Variants in FRMD4B observed in about 807,000 individuals in gnomAD.
The protein encoded by FRMD4B is FERM domain-containing protein 4B.
Under a neutral mutation model 141.5 loss-of-function variants are expected in FRMD4B, and 74 were observed. The observed-to-expected ratio is 0.52, with a 90% CI of 0.43 to 0.63. The LOEUF (loss-of-function observed/expected upper bound fraction) is 0.63, where lower values mean the gene tolerates loss of function less well. Among genes scored for constraint, FRMD4B ranks in the 30% least tolerant of loss-of-function variants. The probability of loss-of-function intolerance (pLI) is 0.00; values close to 1 mark genes in which losing one functional copy is unlikely to be tolerated. For missense variants in FRMD4B, 1,366 were observed against 1,253.4 expected, an observed-to-expected ratio of 1.09 and a Z score of -1.36; for synonymous variants, 506 against 467.9, an observed-to-expected ratio of 1.08 and a Z score of -1.05.
chr3:69,427,643 G>GTTT lies in FRMD4B; in HGVS notation c.-1+4988_-1+4990dup, dbSNP rs774316609. ...GTGTTTAGTAAGAAGCTAGGTAAATGTTTTTTTTTTTTTTTTTTTTTTTTT... is the reference window on the plus strand; with the variant it reads ...GTGTTTAGTAAGAAGCTAGGTAAATGTTTTTTTTTTTTTTTTTTTTTTTTTTTT... On this transcript the variant is annotated intron_variant, in intron 2 of 5. Coordinates refer to the FRMD4B transcript ENST00000459638. Among the ~76,000 whole-genome samples the GTTT allele has an allele frequency of 8.2e-3, 296 of 36,232 alleles. 72 individuals carry two copies. The highest frequency in any genetic ancestry group is 0.027 in the African/African-American group (256 of 9,378). The allele number at this position is 36,232 out of a possible 152,430, so 23.8% of individuals were successfully genotyped here.
chr3:69,516,169 G>C (rs931413761), intron 1 of FRMD4B, among the ~76,000 whole-genome samples: 2 of 152,092 alleles, frequency 1.3e-5, no homozygotes, highest in Non-Finnish European at 2.9e-5. Context: ...AGGCTGTGGT[G>C]AGCAATGATG....
At chr3:69,198,417 C>G (rs1448175878) in intron 12 of FRMD4B, 5 of 382,446 alleles carry the variant, frequency 1.3e-5, no homozygotes, top group African/African-American at 2.0e-5. Flanking sequence ...ACTATACATG[C>G]ACACAAAACT....
intron 5 of FRMD4B, among the ~76,000 whole-genome samples, chr3:69,267,634 TATAGAGAGAGAGAGAGAG>T (rs1559765505): frequency 2.5e-3 from 26 of 10,252 alleles, no homozygotes; most frequent in African/African-American, 6.6e-3. Context: ...TATATATATA[TATAGAGAGAGAGAGAGAG>T]AGAGAGAGAG....
chr3:69,520,023 T>TATATTCCATCATATATATATATTCCATCC (rs1700826787), intron 1 of FRMD4B, among the ~76,000 whole-genome samples: 1 of 115,726 alleles, frequency 8.6e-6, no homozygotes, highest in Non-Finnish European at 1.6e-5. Context: ...TATATATATA[T>TATATTCCATCATATATATATATTCCATCC]ATTCCATCAT....
At chr3:69,181,818 G>A in intron 20 of FRMD4B, 108 bp from the exon 21 acceptor site, 1 of 680,938 alleles carries the variant, frequency 1.5e-6, no homozygotes. Context: ...AATTACAATA[G>A]GACTTTGAGT....
chr3:69,414,896 C>T (rs1199289851), intron 2 of FRMD4B, among the ~76,000 whole-genome samples: 4 of 128,730 alleles, frequency 3.1e-5, no homozygotes, highest in Admixed American at 9.1e-5. Context: ...GATGGAGTCT[C>T]GCTCTGTCAC....
At chr3:69,181,821 C>A in intron 20 of FRMD4B, 111 bp from the exon 21 acceptor site, 1 of 660,378 alleles carries the variant, frequency 1.5e-6, no homozygotes, top group Non-Finnish European at 2.6e-6. Flanking sequence ...TACAATAGGA[C>A]TTTGAGTTGC....
Position 69,287,785 on chromosome 3 carries a change from C to G in FRMD4B, c.468G>C (p.Leu156=), listed in dbSNP as rs1411853849. The change falls in exon 5 of 23, where the codon CTG becomes CTC. Residue 156 remains leucine (L), a synonymous_variant. Coordinates refer to ENST00000398540, the MANE Select transcript of FRMD4B (RefSeq NM_015123.3). ...SFLKDKTTVE[L]FFLNAKACVH... The stretch of plus-strand genomic sequence containing the variant: ...CACAGGCCTTTGCATTCAGGAAAAA[C>G]AGCTCCACGGTGGTTTTATCCTTTA... 2 of 1,606,058 alleles carry G rather than the reference C, an allele frequency of 1.2e-6. No homozygotes were observed. The highest frequency in any genetic ancestry group is 1.7e-6 in the Non-Finnish European group (2 of 1,173,618).
At chr3:69,282,101 TC>T (rs907854159) in intron 5 of FRMD4B, among the ~76,000 whole-genome samples, 3 of 152,174 alleles carry the variant, frequency 2.0e-5, no homozygotes, top group African/African-American at 4.8e-5. Flanking sequence ...GTGCAGAGCT[TC>T]AGCAACTGTA....
At chr3:69,319,389 G>A (rs1357603574) in intron 1 of FRMD4B, among the ~76,000 whole-genome samples, 1 of 152,124 alleles carries the variant, frequency 6.6e-6, no homozygotes, top group Non-Finnish European at 1.5e-5. Context: ...ACGCTTTTCT[G>A]TAATCTATAT....
chr3:69,447,127 T>TA (rs1371135106), intron 1 of FRMD4B, among the ~76,000 whole-genome samples: 1 of 152,168 alleles, frequency 6.6e-6, no homozygotes, highest in African/African-American at 2.4e-5. Flanking sequence ...CAAATGAAGG[T>TA]AATTCCACTC....
chr3:69,325,386 G>T (rs765113362), intron 1 of FRMD4B, among the ~76,000 whole-genome samples: 12 of 152,200 alleles, frequency 7.9e-5, no homozygotes, highest in Non-Finnish European at 1.0e-4. Flanking sequence ...TCTCATAAAT[G>T]ACAATCCCTT....
chr3:69,504,521 T>C (rs1189751337), intron 1 of FRMD4B, among the ~76,000 whole-genome samples: 2 of 152,220 alleles, frequency 1.3e-5, no homozygotes, highest in East Asian at 1.9e-4. Flanking sequence ...ATGATGTTTC[T>C]GTAGATTTGC....
chr3:69,361,822 G>A (rs768819703), intron 1 of FRMD4B, among the ~76,000 whole-genome samples: 3 of 152,208 alleles, frequency 2.0e-5, no homozygotes, highest in Non-Finnish European at 4.4e-5. Context: ...TTTACAAGCT[G>A]TGTGTGTATG....
rs888644253 is a variant in FRMD4B, at chr3:69,515,304, T to A, written c.-129+26902A>T. On this transcript the variant is annotated intron_variant, in intron 1 of 5. Transcript: ENST00000459638. ...CTTCCACCAGGTACCACCTCCTACG[T>A]CGGGGATTACAATTCCACATGAGAT... 2.0e-5 allele frequency among the ~76,000 whole-genome samples: 3 copies of A among 152,258 alleles called. No homozygotes were observed. In the East Asian group the frequency reaches 5.8e-4, roughly 29 times the overall value.
intron 2 of FRMD4B, among the ~76,000 whole-genome samples, chr3:69,394,876 G>T (rs1405273359): frequency 2.0e-5 from 3 of 152,130 alleles, no homozygotes; most frequent in Non-Finnish European, 4.4e-5. Flanking sequence ...GGACATGGAT[G>T]AAGCTGGAAG....
chr3:69,196,308 A>G lies in FRMD4B; in HGVS notation c.1181T>C (p.Leu394Pro), dbSNP rs761297690. The G allele has an allele frequency of 8.7e-6, 14 of 1,609,050 alleles. 1 individual carries two copies. In the Middle Eastern group the frequency reaches 2.1e-3, roughly 247 times the overall value. ...CATGATGAACTGACTTTTCGTCTCC[A>G]GTGTCACCAGCTTGGAGGCCCTTTG... is the stretch of plus-strand genomic sequence containing the variant. Reference protein sequence around the residue: ...GTQRASKLVTLETKSQFIMAS... With the variant: ...GTQRASKLVTPETKSQFIMAS... Residue 394 changes from leucine to proline, a missense_variant, in exon 14 of 23, where the codon CTG becomes CCG. Transcript: ENST00000398540.
At chr3:69,198,666 G>A (rs752075600) in intron 12 of FRMD4B, 32 bp downstream of exon 12, 15 of 1,051,810 alleles carry the variant, frequency 1.4e-5, no homozygotes, top group Non-Finnish European at 2.2e-5. Flanking sequence ...TATAGTAACT[G>A]TGTCATACAG....
intron 4 of FRMD4B, among the ~76,000 whole-genome samples, chr3:69,296,148 T>C (rs541140589): frequency 4.9e-4 from 74 of 152,256 alleles, no homozygotes; most frequent in African/African-American, 1.7e-3. Context: ...TTCTTTACTT[T>C]TGATGTTGCC....
Sources: allele counts gnomAD v4.1 joint callset (sites outside exome capture counted in the v4.1 genomes callset), GRCh38; gene constraint gnomAD v4.1.1; transcripts MANE v1.5; gene names NCBI Gene and HGNC (gene_info 2026-07-23, HGNC 2026-07-21).